The following SLC2A9 variants were observed in gnomAD, a reference collection of about 807,000 sequenced individuals.
SLC2A9 encodes the protein solute carrier family 2 member 9, also known as solute carrier family 2, facilitated glucose transporter member 9.
SLC2A9 carries 39 observed loss-of-function variants against 50.6 expected under a neutral mutation model. That is an observed-to-expected ratio of 0.77 (90% CI 0.60 to 1.01). The LOEUF is 1.01. Ranked by LOEUF, SLC2A9 falls within the 50% of genes least tolerant of loss-of-function variation. The probability of loss-of-function intolerance (pLI) is 0.00; values close to 1 mark genes in which losing one functional copy is unlikely to be tolerated. For synonymous variants in SLC2A9, 324 were observed against 276.9 expected, an observed-to-expected ratio of 1.17 and a Z score of -1.69; for missense variants, 686 against 677.6, an observed-to-expected ratio of 1.01 and a Z score of -0.14.
At position 10,019,070 on chromosome 4, in the gene SLC2A9, A is replaced by G. The variant is rs569612872; in HGVS notation, c.154T>C (p.Trp52Arg). The G allele has an allele frequency of 8.4e-6, 13 of 1,551,252 alleles. No individual in the cohort carries two copies. In the African/African-American group the frequency reaches 1.8e-4, roughly 21 times the overall value. The change falls in exon 2 of 12, where the codon TGG becomes CGG. Residue 52 changes from tryptophan to arginine, a missense_variant. Physicochemically the swap from Trp to Arg is moderately radical, Grantham distance 101. Transcript: ENST00000264784. ...GAGGCCACGAGGAGCGAGCAGGACCAGTCCTGAGGGGAGAGGAAACCACGT... is the reference window on the plus strand; with the variant it reads ...GAGGCCACGAGGAGCGAGCAGGACCGGTCCTGAGGGGAGAGGAAACCACGT... ...GVPGGRRRKD[W>R]SCSLLVASLA... is the part of the protein sequence containing the mutation.
At chr4:9,868,786 ATAATGT>A (rs1446120230) in intron 10 of SLC2A9, among the ~76,000 whole-genome samples, 1 of 152,200 alleles carries the variant, frequency 6.6e-6, no homozygotes, top group Non-Finnish European at 1.5e-5. Flanking sequence ...ATTTTGGAAC[ATAATGT>A]TTATTTTTTT....
chr4:9,875,012 G>A (rs1044072096), intron 10 of SLC2A9, among the ~76,000 whole-genome samples: 1 of 143,748 alleles, frequency 7.0e-6, no homozygotes, highest in African/African-American at 2.6e-5. Flanking sequence ...AAGATGGGAT[G>A]CTGTGTCTTT....
chr4:9,852,569 A>C (rs1184649451), intron 10 of SLC2A9, among the ~76,000 whole-genome samples: 1 of 152,212 alleles, frequency 6.6e-6, no homozygotes, highest in Non-Finnish European at 1.5e-5. Context: ...TTCTTAAAGA[A>C]AAGAAATTCC....
At chr4:9,962,241 C>T (rs982833189) in intron 5 of SLC2A9, among the ~76,000 whole-genome samples, 3 of 152,200 alleles carry the variant, frequency 2.0e-5, no homozygotes, top group Admixed American at 2.0e-4. Flanking sequence ...GAATATAAAT[C>T]ATTCTATTAT....
At chr4:9,976,115 T>G (rs1339497162) in intron 5 of SLC2A9, among the ~76,000 whole-genome samples, 1 of 152,132 alleles carries the variant, frequency 6.6e-6, no homozygotes, top group Admixed American at 6.6e-5. Context: ...AGGGGAGGGA[T>G]AGAGGGGAGA....
At chr4:9,771,999 C>T (rs1316737848) in intron 1 of SLC2A9, among the ~76,000 whole-genome samples, 4 of 152,126 alleles carry the variant, frequency 2.6e-5, no homozygotes, top group African/African-American at 9.7e-5. Context: ...TGTGAAGGGC[C>T]ACACTGAGGA....
intron 2 of SLC2A9, among the ~76,000 whole-genome samples, chr4:10,013,382 T>A (rs1170928924): frequency 6.6e-6 from 1 of 152,186 alleles, no homozygotes; most frequent in Non-Finnish European, 1.5e-5. Flanking sequence ...AGTAGTCAGA[T>A]CCTGGGGATT....
At chr4:10,011,332 C>T (rs980751363) in intron 2 of SLC2A9, among the ~76,000 whole-genome samples, 1 of 152,114 alleles carries the variant, frequency 6.6e-6, no homozygotes, top group Non-Finnish European at 1.5e-5. Flanking sequence ...GGGCTCAGAA[C>T]CCCCCACTCC....
At chr4:9,785,810 C>T (rs1483216931) in intron 3 of SLC2A9, among the ~76,000 whole-genome samples, 1 of 152,216 alleles carries the variant, frequency 6.6e-6, no homozygotes, top group Non-Finnish European at 1.5e-5. Context: ...CTATATTGCA[C>T]TGCATTGCAC....
intron 3 of SLC2A9, among the ~76,000 whole-genome samples, chr4:9,991,763 C>T (rs1320991729): frequency 2.6e-5 from 4 of 152,120 alleles, no homozygotes; most frequent in East Asian, 3.9e-4. Context: ...GAGCACACAG[C>T]GAGAAAGCAG....
chr4:9,887,629 CA>C lies in SLC2A9; in HGVS notation c.1228del (p.Trp410GlyfsTer5). The C allele has an allele frequency of 6.4e-7, 1 of 1,552,092 alleles. No homozygotes were observed. Among genetic ancestry groups the C allele is most frequent in the Non-Finnish European group, 8.7e-7 (1 of 1,147,418 alleles). ...GCCCACGATACTCAGGTAGGGGACC[CA>C]GGGGGCGTGGTCCTGGGAGAGAACA... is the stretch of plus-strand genomic sequence containing the variant. ...ITLTLQDHAP[W>X]VPYLSIVGIL... On this transcript the variant is annotated frameshift_variant, in exon 10 of 12. Coordinates refer to ENST00000264784, the MANE Select transcript of SLC2A9 (RefSeq NM_020041.3). LOFTEE classifies it high-confidence loss of function.
intron 3 of SLC2A9, chr4:9,996,054 T>C (rs550221910): frequency 6.5e-6 from 1 of 153,300 alleles, no homozygotes; most frequent in African/African-American, 2.4e-5. Flanking sequence ...AGAGAAGGAT[T>C]CCTGTCTAAA....
intron 10 of SLC2A9, among the ~76,000 whole-genome samples, chr4:9,844,901 T>A (rs1260933567): frequency 6.6e-6 from 1 of 152,262 alleles, no homozygotes; most frequent in Non-Finnish European, 1.5e-5. Context: ...CTGTGGTATT[T>A]CTGTAAAGCC....
chr4:9,975,930 A>G (rs1288451312), intron 5 of SLC2A9, among the ~76,000 whole-genome samples: 1 of 152,216 alleles, frequency 6.6e-6, no homozygotes, highest in Non-Finnish European at 1.5e-5. Flanking sequence ...GAAGAAGCAA[A>G]ATCATGTTGT....
Position 9,826,371 on chromosome 4 carries a change from T to C in SLC2A9, c.*26A>G, listed in dbSNP as rs1177028718. 1.9e-6 allele frequency: 3 copies of C among 1,610,400 alleles called. No individual in the cohort carries two copies. The highest frequency in any genetic ancestry group is 2.5e-6 in the Non-Finnish European group (3 of 1,176,710). On this transcript the variant is annotated 3_prime_UTR_variant, in exon 12 of 12. Coordinates refer to ENST00000264784, the MANE Select transcript of SLC2A9 (RefSeq NM_020041.3). ...GTAGACAATCCTGTTTTTGACATAA[T>C]TGTCCAACGTGGAGGAGGAAACTTG...
chr4:9,879,250 A>G (rs935761140), intron 10 of SLC2A9: 1 of 985,292 alleles, frequency 1.0e-6, no homozygotes, highest in Admixed American at 6.1e-5. Flanking sequence ...AAGATGCAGT[A>G]TGAGCTGACT....
At chr4:9,788,791 T>C (rs1332304348) in intron 3 of SLC2A9, among the ~76,000 whole-genome samples, 2 of 152,184 alleles carry the variant, frequency 1.3e-5, no homozygotes, top group African/African-American at 4.8e-5. Context: ...TGACATGCTG[T>C]CATTATTCTT....
chr4:9,816,044 C>G (rs903787965), intron 3 of SLC2A9, among the ~76,000 whole-genome samples: 1 of 152,042 alleles, frequency 6.6e-6, no homozygotes, highest in Non-Finnish European at 1.5e-5. Flanking sequence ...GTGGCACACG[C>G]CTGTAATCCC....
chr4:9,963,473 T>C (rs1752597153), intron 5 of SLC2A9, among the ~76,000 whole-genome samples: 1 of 152,186 alleles, frequency 6.6e-6, no homozygotes, highest in African/African-American at 2.4e-5. Flanking sequence ...TCTACGTTGA[T>C]ACAAAGATGA....
Sources: gnomAD v4.1 joint callset for allele counts (sites outside exome capture counted in the v4.1 genomes callset) on GRCh38, gnomAD v4.1.1 for gene constraint, MANE v1.5 for transcripts, NCBI Gene and HGNC (gene_info 2026-07-23, HGNC 2026-07-21) for gene names.